MCPH1: variants seen among roughly 807,000 people sequenced by gnomAD.
MCPH1 encodes microcephalin 1.
In MCPH1, 104 loss-of-function variants were observed where a neutral mutation model predicts 84.5. The ratio of observed to expected loss-of-function variants is 1.23; its 90% CI spans 1.05 to 1.45. MCPH1 has a LOEUF of 1.45. MCPH1 is among the 40% of genes most tolerant of loss of function. The probability of loss-of-function intolerance (pLI) is 0.00; values close to 1 mark genes in which losing one functional copy is unlikely to be tolerated. For missense variants in MCPH1, 1,498 were observed against 1,005.7 expected, an observed-to-expected ratio of 1.49 and a Z score of -6.62; for synonymous variants, 514 against 366.8, an observed-to-expected ratio of 1.40 and a Z score of -4.58.
chr8:6,520,114 G>A (rs1046297922), intron 12 of MCPH1: 6 of 1,115,380 alleles, frequency 5.4e-6, no homozygotes, highest in African/African-American at 1.6e-5. Flanking sequence ...GCAAAAGGCT[G>A]TACCACTTTT....
intron 4 of MCPH1, among the ~76,000 whole-genome samples, chr8:6,434,829 A>T (rs1482411689): frequency 2.6e-5 from 4 of 152,314 alleles, no homozygotes; most frequent in African/African-American, 9.6e-5. Context: ...ACCTAGACAG[A>T]TGACTTAAAT....
At position 6,643,121 on chromosome 8, in the gene MCPH1, A is replaced by C; in HGVS notation, c.*72A>C. On this transcript the variant is annotated 3_prime_UTR_variant, in exon 14 of 14. Transcript: ENST00000344683. ...GTCTTTGGATGTTCAAATGAGAAAC[A>C]AAACTGTGAAGAGAAGGAACTGGCG... The C allele has an allele frequency of 7.6e-7, 1 of 1,315,510 alleles. No individual in the cohort carries two copies. Among genetic ancestry groups the C allele is most frequent in the South Asian group, 1.2e-5 (1 of 83,332 alleles). The allele number at this position is 1,315,510 out of a possible 1,614,324, so 81.5% of individuals were successfully genotyped here. A position where few individuals can be genotyped will look rare whatever the true frequency, so the allele number is the denominator to read the frequency against.
intron 12 of MCPH1, among the ~76,000 whole-genome samples, chr8:6,530,448 G>T (rs1316061022): frequency 1.4e-5 from 2 of 147,534 alleles, no homozygotes; most frequent in Non-Finnish European, 3.0e-5. Flanking sequence ...GGTGGAGGTT[G>T]CAGCAAGTCG....
At chr8:6,558,290 A>G (rs1001458723) in intron 12 of MCPH1, among the ~76,000 whole-genome samples, 11 of 152,188 alleles carry the variant, frequency 7.2e-5, no homozygotes, top group Non-Finnish European at 1.3e-4. Context: ...AAGAGAATCT[A>G]CTTCCTATTT....
intron 11 of MCPH1, among the ~76,000 whole-genome samples, chr8:6,489,768 G>A (rs919871870): frequency 2.0e-5 from 3 of 152,186 alleles, no homozygotes; most frequent in African/African-American, 7.2e-5. Flanking sequence ...CCTAGTGCTT[G>A]GCGATGTGGT....
At chr8:6,439,126 A>T in intron 6 of MCPH1, 30 bp downstream of exon 6, 1 of 1,603,086 alleles carries the variant, frequency 6.2e-7, no homozygotes, top group Non-Finnish European at 8.5e-7. Context: ...AATGAAAATT[A>T]TGCAAATAGC....
chr8:6,547,890 T>A (rs1028852805), intron 12 of MCPH1, among the ~76,000 whole-genome samples: 3 of 152,008 alleles, frequency 2.0e-5, no homozygotes, highest in African/African-American at 7.2e-5. Context: ...CCCCCATTTT[T>A]TTTTTTTTTT....
chr8:6,593,410 A>C (rs888738616), intron 12 of MCPH1, among the ~76,000 whole-genome samples: 3 of 150,832 alleles, frequency 2.0e-5, no homozygotes, highest in African/African-American at 7.3e-5. Context: ...GCTGCAGTGC[A>C]ATGGCGCGAT....
At chr8:6,483,801 A>C (rs1185789035) in intron 11 of MCPH1, among the ~76,000 whole-genome samples, 1 of 152,166 alleles carries the variant, frequency 6.6e-6, no homozygotes, top group Non-Finnish European at 1.5e-5. Flanking sequence ...TGGAGGTTGC[A>C]AAGAGCCAAT....
At chr8:6,452,135 G>A (rs945544645) in intron 8 of MCPH1, among the ~76,000 whole-genome samples, 7 of 152,126 alleles carry the variant, frequency 4.6e-5, no homozygotes, top group African/African-American at 1.7e-4. Context: ...AGTTACATGT[G>A]TCCTTATACT....
intron 12 of MCPH1, among the ~76,000 whole-genome samples, chr8:6,550,834 C>T (rs975008138): frequency 6.6e-6 from 1 of 152,114 alleles, no homozygotes; most frequent in Non-Finnish European, 1.5e-5. Flanking sequence ...AAGCACATGG[C>T]GTGCACCTGA....
intron 13 of MCPH1, among the ~76,000 whole-genome samples, chr8:6,623,013 CTTTTTTTTTT>C (rs1164226735): frequency 5.5e-4 from 60 of 109,914 alleles, no homozygotes; most frequent in Admixed American, 1.8e-3. Context: ...GCTTTACTTT[CTTTTTTTTTT>C]TTTTTTTTTT....
At chr8:6,431,420 A>G in intron 3 of MCPH1, 79 bp from the exon 4 acceptor site, 2 of 1,039,710 alleles carry the variant, frequency 1.9e-6, no homozygotes, top group Non-Finnish European at 3.0e-6. Context: ...TAAATTGCTA[A>G]TACATGTGCA....
intron 5 of MCPH1, among the ~76,000 whole-genome samples, chr8:6,437,394 C>T (rs887181618): frequency 6.6e-6 from 1 of 151,970 alleles, no homozygotes; most frequent in Admixed American, 6.6e-5. Flanking sequence ...CCACGCCCAG[C>T]TGATTTTTGT....
chr8:6,546,721 A>G (rs1822638543), intron 12 of MCPH1, among the ~76,000 whole-genome samples: 1 of 152,214 alleles, frequency 6.6e-6, no homozygotes, highest in Non-Finnish European at 1.5e-5. Context: ...GTTTGAGAAC[A>G]ACTAGCCTAG....
intron 8 of MCPH1, among the ~76,000 whole-genome samples, chr8:6,450,142 G>A (rs796378919): frequency 6.6e-6 from 1 of 152,132 alleles, no homozygotes; most frequent in Non-Finnish European, 1.5e-5. Context: ...AACTACCAGG[G>A]TCTTGTTCAT....
At chr8:6,515,232 C>CT in intron 12 of MCPH1, among the ~76,000 whole-genome samples, 1 of 152,112 alleles carries the variant, frequency 6.6e-6, no homozygotes, top group South Asian at 2.1e-4. Context: ...CCACAGAGAG[C>CT]TATGTGAAGG....
chr8:6,433,853 G>T (rs1802231098), intron 4 of MCPH1, among the ~76,000 whole-genome samples: 1 of 151,898 alleles, frequency 6.6e-6, no homozygotes, highest in Admixed American at 6.6e-5. Context: ...CCTTGAGATG[G>T]TTCTGTGCCT....
At chr8:6,476,876 C>G (rs1196344498) in intron 9 of MCPH1, among the ~76,000 whole-genome samples, 1 of 152,116 alleles carries the variant, frequency 6.6e-6, no homozygotes, top group Non-Finnish European at 1.5e-5. Context: ...TACACATACA[C>G]ACACACTCCT....
Sources: gnomAD v4.1 joint callset for allele counts (sites outside exome capture counted in the v4.1 genomes callset) on GRCh38, gnomAD v4.1.1 for gene constraint, MANE v1.5 for transcripts, NCBI Gene and HGNC (gene_info 2026-07-23, HGNC 2026-07-21) for gene names.